Variants in RNF40 observed in about 807,000 individuals in gnomAD.
RNF40 encodes E3 ubiquitin-protein ligase BRE1B.
In RNF40, 39 loss-of-function variants were observed where a neutral mutation model predicts 123.3. That is an observed-to-expected ratio of 0.32 (90% CI 0.24 to 0.41). The LOEUF is 0.41. RNF40 is among the 10% of genes least tolerant of loss of function. The pLI, the probability that RNF40 is intolerant of heterozygous loss-of-function variation, is 1.00. For synonymous variants in RNF40, 538 were observed against 526.0 expected (o/e 1.02, Z -0.31); for missense variants, 1,003 against 1,319.9 (o/e 0.76, Z 3.72).
chr16:30,774,009 C>T lies in RNF40; in HGVS notation c.2901C>T (p.Phe967=). ...TCCTTACCAAGTGCTTCCACGTTTTCTGCTTCGAGTGCGTGCGGGGCCGCT... is the reference window on the plus strand; with the variant it reads ...TCCTTACCAAGTGCTTCCACGTTTTTTGCTTCGAGTGCGTGCGGGGCCGCT... ...DAVLTKCFHV[F]CFECVRGRYE... Residue 967 remains phenylalanine (F), a synonymous_variant, in exon 20 of 20, where the codon TTC becomes TTT. Coordinates refer to ENST00000324685, the MANE Select transcript of RNF40 (RefSeq NM_014771.4). The T allele has an allele frequency of 6.2e-7, 1 of 1,614,114 alleles. No individual in the cohort carries two copies. The highest frequency in any genetic ancestry group is 8.5e-7 in the Non-Finnish European group (1 of 1,179,932).
chr16:30,768,507 C>G lies in RNF40; in HGVS notation c.1956C>G (p.Leu652=), dbSNP rs756081962. The G allele has an allele frequency of 1.2e-6, 2 of 1,610,388 alleles. No individual in the cohort carries two copies. The highest frequency in any genetic ancestry group is 1.1e-5 in the South Asian group (1 of 90,774). The change falls in exon 13 of 20, where the codon CTC becomes CTG. Residue 652 remains leucine (L), a synonymous_variant. Coordinates refer to ENST00000324685, the MANE Select transcript of RNF40 (RefSeq NM_014771.4). This position sits in a 1 kb window ranked among gnomAD's most constrained non-coding sequence, Gnocchi z 4.1. ...EETKRKESEL[L]KGLRAELKKA... ...CCAAGCGGAAGGAATCAGAACTCCT[C>G]AAGGGTCTCCGAGCAGAGCTCAAGT... is the stretch of plus-strand genomic sequence containing the variant.
chr16:30,762,199 C>T (rs1412551476), upstream of RNF40: 2 of 335,344 alleles, frequency 6.0e-6, no homozygotes, highest in Admixed American at 4.9e-5. Flanking sequence ...CGGGACCAAG[C>T]GTAACCAATA....
upstream of RNF40, chr16:30,761,677 C>G (rs1006620264): frequency 7.2e-6 from 11 of 1,535,788 alleles, no homozygotes; most frequent in South Asian, 1.2e-5. Context: ...CTTCCCGCCG[C>G]AGCTCGGAGA....
chr16:30,766,317 T>C lies in RNF40; in HGVS notation c.1113+35T>C. The C allele has an allele frequency of 6.2e-7, 1 of 1,613,820 alleles. No homozygotes were observed. The highest frequency in any genetic ancestry group is 8.5e-7 in the Non-Finnish European group (1 of 1,179,804). ...TGTAGGGGCTGAGAGGTCCTGGGCC[T>C]GTAAGGGAGGGACTGAGCCCTGAAT... On this transcript the variant is annotated intron_variant, in intron 9 of 19. Coordinates refer to ENST00000324685, the MANE Select transcript of RNF40 (RefSeq NM_014771.4). This position sits in a 1 kb window ranked among gnomAD's most constrained non-coding sequence, Gnocchi z 5.4.
chr16:30,761,772 G>C, upstream of RNF40: 1 of 1,503,596 alleles, frequency 6.7e-7, no homozygotes, highest in Non-Finnish European at 8.9e-7. Context: ...CGTGCCGCGA[G>C]GCGCCCCGGG....
At chr16:30,762,277 T>TGCG (rs1555470687), upstream of RNF40, 18 of 401,310 alleles carry the variant, frequency 4.5e-5, no homozygotes, top group Non-Finnish European at 6.7e-5. Flanking sequence ...TGCGCACCGT[T>TGCG]GGGGGGGGGG....
chr16:30,766,098 G>T lies in RNF40; in HGVS notation c.994-65G>T. On this transcript the variant is annotated intron_variant, in intron 8 of 19. Coordinates refer to ENST00000324685, the MANE Select transcript of RNF40 (RefSeq NM_014771.4). The surrounding 1 kb of genome is among the most constrained non-coding windows in gnomAD (Gnocchi z 5.4). Reference sequence around the variant, plus strand: ...TGCTTGGGGTGGAGTGTATGCTGGGGATGTAAGGGAGGCCTGCTGCCACGT... The same window carrying T: ...TGCTTGGGGTGGAGTGTATGCTGGGTATGTAAGGGAGGCCTGCTGCCACGT... 1 of 1,609,008 alleles carries T rather than the reference G, an allele frequency of 6.2e-7. No homozygotes were observed. Among genetic ancestry groups the T allele is most frequent in the Non-Finnish European group, 8.5e-7 (1 of 1,177,326 alleles).
Position 30,766,568 on chromosome 16 carries a change from T to C in RNF40, c.1293+10T>C, listed in dbSNP as rs1321050141. On this transcript the variant is annotated intron_variant, in intron 10 of 19. Transcript: ENST00000324685. The surrounding 1 kb of genome is among the most constrained non-coding windows in gnomAD (Gnocchi z 5.4). ...CATCGAGCACATGGAGGTATGGCCCTGGAACAGGCGTTAGGGCTGGGCTAA... is the reference window on the plus strand; with the variant it reads ...CATCGAGCACATGGAGGTATGGCCCCGGAACAGGCGTTAGGGCTGGGCTAA... 1.9e-6 allele frequency: 3 copies of C among 1,603,232 alleles called. No homozygotes were observed. The Admixed American group carries it at 5.0e-5, about 27-fold the overall frequency.
At position 30,774,713 on chromosome 16, in the gene RNF40, T is replaced by G. The variant is rs1456079510; in HGVS notation, c.*599T>G. The G allele has an allele frequency of 3.1e-6, 1 of 326,868 alleles. No individual in the cohort carries two copies. The highest frequency in any genetic ancestry group is 8.6e-5 in the East Asian group (1 of 11,578). 20.2% of individuals were successfully genotyped at this position (326,868 alleles called of 1,614,324 possible). On this transcript the variant is annotated 3_prime_UTR_variant, in exon 20 of 20. Coordinates refer to ENST00000324685, the MANE Select transcript of RNF40 (RefSeq NM_014771.4). ...CAGATGGGGGCATCACTTGCTTCCT[T>G]TGGGAAGCTCTAAGGTTGCTGCAGT...
At position 30,765,213 on chromosome 16, in the gene RNF40, A is replaced by G. The variant is rs141073737; in HGVS notation, c.804A>G (p.Ala268=). 343 of 1,614,118 alleles carry G rather than the reference A, an allele frequency of 2.1e-4. No homozygotes were observed. Among genetic ancestry groups the G allele is most frequent in the Non-Finnish European group, 2.8e-4 (325 of 1,180,042 alleles). Residue 268 remains alanine, a synonymous_variant, in exon 7 of 20, where the codon GCA becomes GCG. Transcript: ENST00000324685. ...YSELQDKVTS[A]ETKVLEMETT... ...AGCTCCAGGATAAAGTGACATCGGC[A>G]GAGACCAAGGTGCTGGAGATGGAGA...
rs1266352592 is a variant in RNF40, at chr16:30,774,185, G to C, written c.*71G>C. ...GTGCCCCCATCTCCTCCCCACCCCAGGTCTAGTGGCCCCACCCTCCATTCC... is the reference window on the plus strand; with the variant it reads ...GTGCCCCCATCTCCTCCCCACCCCACGTCTAGTGGCCCCACCCTCCATTCC... On this transcript the variant is annotated 3_prime_UTR_variant, in exon 20 of 20. Coordinates refer to ENST00000324685, the MANE Select transcript of RNF40 (RefSeq NM_014771.4). The C allele has an allele frequency of 6.7e-7, 1 of 1,482,842 alleles. No individual in the cohort carries two copies. The highest frequency in any genetic ancestry group is 9.1e-7 in the Non-Finnish European group (1 of 1,099,234). The allele number at this position is 1,482,842 out of a possible 1,614,324, so 91.9% of individuals were successfully genotyped here.
intron 19 of RNF40, among the ~76,000 whole-genome samples, chr16:30,772,711 T>TGTGG (rs2054168933): frequency 6.6e-6 from 1 of 152,106 alleles, no homozygotes; most frequent in Admixed American, 6.6e-5. Context: ...GAGGAGCCAA[T>TGTGG]GTGGAGAGGT....
intron 11 of RNF40, chr16:30,767,564 G>A (rs929751952): frequency 4.1e-5 from 9 of 219,140 alleles, no homozygotes; most frequent in Non-Finnish European, 6.4e-5. Context: ...CAGCACTTTC[G>A]GAGGCCAAGG....
Position 30,772,315 on chromosome 16 carries a change from G to A in RNF40, c.2829+125G>A, listed in dbSNP as rs900376213. On this transcript the variant is annotated intron_variant, in intron 19 of 19. Coordinates refer to ENST00000324685, the MANE Select transcript of RNF40 (RefSeq NM_014771.4). ...GGCAGCAGAAAGTGGGCAGCACAGT[G>A]GTCACAGAGTCAAATGCTGTTTGCT... 6.3e-6 allele frequency: 5 copies of A among 787,880 alleles called. No homozygotes were observed. The African/African-American group carries it at 8.5e-5, about 13-fold the overall frequency. The allele number at this position is 787,880 out of a possible 1,614,324, so 48.8% of individuals were successfully genotyped here. A position where few individuals can be genotyped will look rare whatever the true frequency, so the allele number is the denominator to read the frequency against.
rs1596748930 is a variant in RNF40 at position 30,766,047 on chromosome 16, A to C, written c.994-116A>C. The C allele has an allele frequency of 2.8e-6, 4 of 1,441,412 alleles. No homozygotes were observed. The East Asian group carries it at 9.2e-5, about 33-fold the overall frequency. 89.3% of individuals were successfully genotyped at this position (1,441,412 alleles called of 1,614,324 possible). A position where few individuals can be genotyped will look rare whatever the true frequency, so the allele number is the denominator to read the frequency against. On this transcript the variant is annotated intron_variant, in intron 8 of 19. Coordinates refer to ENST00000324685, the MANE Select transcript of RNF40 (RefSeq NM_014771.4). This position sits in a 1 kb window ranked among gnomAD's most constrained non-coding sequence, Gnocchi z 5.4. ...AGGAAAGTACTTGGTTTGGGGTGTCAGAATCGATCATTGCCCTGCACGGGG... is the reference window on the plus strand; with the variant it reads ...AGGAAAGTACTTGGTTTGGGGTGTCCGAATCGATCATTGCCCTGCACGGGG...
chr16:30,761,721 A>G (rs1244194555), upstream of RNF40: 6 of 1,529,086 alleles, frequency 3.9e-6, no homozygotes, highest in Non-Finnish European at 5.3e-6. Flanking sequence ...CTCATTCCCA[A>G]AAAGTGGCTG....
In RNF40 at chr16:30,775,083, C is replaced by T. The variant is rs757706095; in HGVS notation, c.*969C>T. On this transcript the variant is annotated 3_prime_UTR_variant, in exon 20 of 20. Transcript: ENST00000324685. ...CTGTGAGGGCAGTGCCCGGAGAGGC[C>T]AGAGGGTTGGAGCTGCAGGGACCCG... 1.1e-5 allele frequency: 5 copies of T among 455,716 alleles called. No homozygotes were observed. Among genetic ancestry groups the T allele is most frequent in the Non-Finnish European group, 2.2e-5 (5 of 226,388 alleles). 28.2% of individuals were successfully genotyped at this position (455,716 alleles called of 1,614,324 possible).
chr16:30,771,975 T>C lies in RNF40; in HGVS notation c.2727+2T>C. On this transcript the variant is annotated splice_donor_variant, in intron 18 of 19. Transcript: ENST00000324685. LOFTEE classifies it high-confidence loss of function. ...AGCTTCAACCTCAAGAGGGCTCAGG[T>C]GTGTGCAGGGGTGAGGGGCCAGGCC... 6.3e-7 allele frequency: 1 copy of C among 1,592,280 alleles called. No homozygotes were observed. Among genetic ancestry groups the C allele is most frequent in the Non-Finnish European group, 8.6e-7 (1 of 1,166,338 alleles).
rs761113554 is a variant in RNF40, at chr16:30,768,362, G to A, written c.1811G>A (p.Arg604Gln). Residue 604 changes from arginine (R) to glutamine (Q), a missense_variant, in exon 13 of 20, where the codon CGA (arginine) becomes CAA (glutamine). Transcript: ENST00000324685. The surrounding 1 kb of genome is among the most constrained non-coding windows in gnomAD (Gnocchi z 4.1). ...GCCCAGGGCCCTTCCTCCCGGGGCC[G>A]AGAACCTGAGGCCAGGCCCAAGCGG... ...PGAQGPSSRG[R>Q]EPEARPKREL... 35 of 1,613,214 alleles carry A rather than the reference G, an allele frequency of 2.2e-5. No homozygotes were observed. Among genetic ancestry groups the A allele is most frequent in the Middle Eastern group, 3.3e-4 (2 of 6,080 alleles).
Sources: allele counts gnomAD v4.1 joint callset (sites outside exome capture counted in the v4.1 genomes callset), GRCh38; gene constraint gnomAD v4.1.1; non-coding constraint Gnocchi (gnomAD v3.1); transcripts MANE v1.5; gene names NCBI Gene and HGNC (gene_info 2026-07-23, HGNC 2026-07-21).